The following ATP2B3 variants were observed in gnomAD, a reference collection of about 807,000 sequenced individuals.
The protein encoded by ATP2B3 is ATPase plasma membrane Ca2+ transporting 3, also known as plasma membrane calcium-transporting ATPase 3.
A neutral mutation model predicts 70.8 loss-of-function variants in ATP2B3; 12 were observed. That is an observed-to-expected ratio of 0.17 (90% CI 0.11 to 0.27). The LOEUF (loss-of-function observed/expected upper bound fraction) is 0.27, where lower values mean the gene tolerates loss of function less well. ATP2B3 is among the 10% of genes least tolerant of loss of function. The pLI, the probability that ATP2B3 is intolerant of heterozygous loss-of-function variation, is 1.00. For synonymous variants in ATP2B3, 460 were observed against 497.8 expected (o/e 0.92, Z 1.01); for missense variants, 858 against 1,118.5 (o/e 0.77, Z 3.32).
At chrX:153,564,044 C>A (rs1306143640) in intron 20 of ATP2B3, among the ~76,000 whole-genome samples, 1 of 112,270 alleles carries the variant, frequency 8.9e-6, no homozygotes, top group Non-Finnish European at 1.9e-5. Context: ...ATATGCGAAG[C>A]CATGCCCTCT....
rs781963458 is a variant in ATP2B3 at position 153,553,159 on chromosome X, T to C, written c.1948T>C (p.Tyr650His). The C allele has an allele frequency of 2.5e-6, 3 of 1,211,807 alleles. No homozygotes were observed. In the South Asian group the frequency reaches 5.3e-5, roughly 21 times the overall value. Reference sequence around the variant, plus strand: ...TGGCCTCCGCACCATCTGCATCGCCTACCGGGACTTCTCTGCAGGCCAGGA... The same window carrying C: ...TGGCCTCCGCACCATCTGCATCGCCCACCGGGACTTCTCTGCAGGCCAGGA... ...CDGLRTICIA[Y>H]RDFSAGQEPD... is the part of the protein sequence containing the mutation. Residue 650 changes from tyrosine (Y) to histidine (H), a missense_variant, in exon 13 of 22, where the codon TAC becomes CAC. Tyr to His is a moderately conservative substitution (Grantham distance 83). This residue lies in a region of ATP2B3 where 242 missense variants were observed against 281.3 expected (regional missense o/e 0.86). Coordinates refer to ENST00000263519, the MANE Select transcript of ATP2B3 (RefSeq NM_001001344.3).
chrX:153,549,382 CCA>C lies in ATP2B3; in HGVS notation c.1339-111_1339-110del. 1.1e-5 allele frequency: 13 copies of C among 1,163,727 alleles called. 1 individual carries two copies. The South Asian group carries it at 2.6e-4, about 23-fold the overall frequency. On this transcript the variant is annotated intron_variant, in intron 10 of 21. Coordinates refer to ENST00000263519, the MANE Select transcript of ATP2B3 (RefSeq NM_001001344.3). The stretch of plus-strand genomic sequence containing the variant: ...GACCAGGTGCCCAGTGGGCTTAGTG[CCA>C]CACGTGGAGCTAGCTGAGCAGAACA...
intron 21 of ATP2B3, chrX:153,574,619 G>A (rs1023109234): frequency 3.9e-6 from 1 of 258,085 alleles, no homozygotes; most frequent in African/African-American, 2.9e-5. Context: ...TTGTCACTGC[G>A]GTCAGGAGTC....
chrX:153,562,896 G>C (rs1303132720), intron 20 of ATP2B3, among the ~76,000 whole-genome samples: 1 of 112,200 alleles, frequency 8.9e-6, no homozygotes, highest in Non-Finnish European at 1.9e-5. Context: ...TCCTGGTGAG[G>C]GCTCCTTCCT....
At chrX:153,553,695 C>A (rs782736519) in intron 13 of ATP2B3, among the ~76,000 whole-genome samples, 1 of 112,587 alleles carries the variant, frequency 8.9e-6, no homozygotes, top group Admixed American at 9.3e-5. Context: ...CAGCAAAGGT[C>A]CTGGCGGGAA....
In ATP2B3 at chrX:153,541,828, T is replaced by C. The variant is rs2090286896; in HGVS notation, c.566T>C (p.Ile189Thr). 1 of 1,211,336 alleles carries C rather than the reference T, an allele frequency of 8.3e-7. No individual in the cohort carries two copies. The change falls in exon 5 of 22, where the codon ATT becomes ACT. Residue 189 changes from isoleucine to threonine, a missense_variant. Transcript: ENST00000263519. ...EKQFRGLQSR[I>T]EQEQKFTVIR... Reference sequence around the variant, plus strand: ...CAGTTCCGAGGCCTGCAGAGCCGAATTGAGCAGGAGCAGAAGTTCACGGTC... The same window carrying C: ...CAGTTCCGAGGCCTGCAGAGCCGAACTGAGCAGGAGCAGAAGTTCACGGTC...
In ATP2B3 at chrX:153,569,329, G is replaced by T. The variant is rs782427047; in HGVS notation, c.3342+4226G>T. On this transcript the variant is annotated intron_variant, in intron 21 of 21. Transcript: ENST00000263519. ...TGCAAGGGGCATTTCTGACATGTTT[G>T]CAGTGTGCCCTGACTTGTGACCCCC... The T allele has an allele frequency of 8.3e-5, 45 of 545,206 alleles. No homozygotes were observed. In the East Asian group the frequency reaches 1.5e-3, roughly 18 times the overall value. The allele number at this position is 545,206 out of a possible 1,213,427, so 44.9% of individuals were successfully genotyped here.
chrX:153,565,880 G>A (rs372601095), intron 21 of ATP2B3, among the ~76,000 whole-genome samples: 8 of 112,577 alleles, frequency 7.1e-5, no homozygotes, highest in African/African-American at 1.3e-4. Context: ...GCTCCCTTCC[G>A]GCTCGTGGGG....
chrX:153,578,151 A>G (rs1557021797), intron 21 of ATP2B3, among the ~76,000 whole-genome samples: 1 of 112,551 alleles, frequency 8.9e-6, no homozygotes, highest in Non-Finnish European at 1.9e-5. Context: ...TAAACCAGTA[A>G]AATTTTATTA....
At chrX:153,533,399 G>A (rs2090145720) in intron 2 of ATP2B3, among the ~76,000 whole-genome samples, 1 of 111,891 alleles carries the variant, frequency 8.9e-6, no homozygotes, top group African/African-American at 3.3e-5. Flanking sequence ...CTGGAACAGA[G>A]GGCGTGCGGT....
chrX:153,556,261 C>A (rs920024076), intron 14 of ATP2B3, 33 bp downstream of exon 14: 3 of 1,201,154 alleles, frequency 2.5e-6, no homozygotes, highest in African/African-American at 3.5e-5. Flanking sequence ...CCCAGACCCC[C>A]CTTCTCCTCA....
intron 21 of ATP2B3, among the ~76,000 whole-genome samples, chrX:153,568,138 C>G (rs1402195289): frequency 8.9e-6 from 1 of 112,132 alleles, no homozygotes; most frequent in Non-Finnish European, 1.9e-5. Flanking sequence ...TGGTTCCATA[C>G]TAACATATCA....
chrX:153,552,312 C>T (rs915771476), intron 12 of ATP2B3, among the ~76,000 whole-genome samples: 3 of 112,018 alleles, frequency 2.7e-5, no homozygotes, highest in Non-Finnish European at 5.6e-5. Context: ...AGGAGGCTCT[C>T]CGTCCACACA....
intron 2 of ATP2B3, among the ~76,000 whole-genome samples, chrX:153,532,180 C>T (rs1354147906): frequency 7.1e-5 from 8 of 112,526 alleles, no homozygotes; most frequent in Non-Finnish European, 1.9e-5. Context: ...AGAAACATGT[C>T]TGTCAAGAGC....
chrX:153,545,095 G>A (rs56001058), intron 7 of ATP2B3, among the ~76,000 whole-genome samples: 7 of 111,843 alleles, frequency 6.3e-5, no homozygotes, highest in South Asian at 3.6e-4. Flanking sequence ...GTAGGGTCGG[G>A]GGGGGGGCCC....
intron 2 of ATP2B3, among the ~76,000 whole-genome samples, chrX:153,529,973 A>G (rs947021459): frequency 4.4e-5 from 5 of 112,775 alleles, no homozygotes; most frequent in Non-Finnish European, 9.4e-5. Flanking sequence ...CTATCCATGG[A>G]CATTGGGTTG....
chrX:153,547,339 C>A (rs782668547), intron 8 of ATP2B3, among the ~76,000 whole-genome samples: 1 of 110,874 alleles, frequency 9.0e-6, no homozygotes, highest in African/African-American at 3.3e-5. Flanking sequence ...AGGGGAGAGG[C>A]AGGGAGGGTG....
In ATP2B3 at chrX:153,580,165, C is replaced by G; in HGVS notation, c.3530C>G (p.Pro1177Arg). ...NEERLRAPPP[P>R]SPNQNNNAID... ...GAGCGCCTCCGGGCCCCCCCGCCCC[C>G]GTCCCCCAACCAGAACAACAACGCC... The change falls in exon 22 of 22, where the codon CCG (proline) becomes CGG (arginine). Residue 1177 changes from proline to arginine, a missense_variant. This residue lies in a region of ATP2B3 where 265 missense variants were observed against 305.3 expected (regional missense o/e 0.87). Transcript: ENST00000263519. 8.3e-7 allele frequency: 1 copy of G among 1,204,360 alleles called. No homozygotes were observed. The highest frequency in any genetic ancestry group is 3.0e-5 in the East Asian group (1 of 33,691).
chrX:153,570,600 G>C (rs2090772131), intron 21 of ATP2B3, among the ~76,000 whole-genome samples: 2 of 112,307 alleles, frequency 1.8e-5, no homozygotes, highest in Non-Finnish European at 3.8e-5. Context: ...AGAATGCAGG[G>C]AACCCAGTGG....
Sources: allele counts gnomAD v4.1 joint callset (sites outside exome capture counted in the v4.1 genomes callset), GRCh38; gene constraint gnomAD v4.1.1; regional missense constraint gnomAD v4.1.1; transcripts MANE v1.5; gene names NCBI Gene and HGNC (gene_info 2026-07-23, HGNC 2026-07-21).